The following DXO variants were observed in gnomAD, a reference collection of about 807,000 sequenced individuals.
DXO encodes the protein decapping and exoribonuclease protein.
DXO carries 42 observed loss-of-function variants against 39.8 expected under a neutral mutation model. The ratio of observed to expected loss-of-function variants is 1.06; its 90% CI spans 0.83 to 1.37. The LOEUF is 1.37. Ranked by LOEUF, DXO falls within the 40% of genes most tolerant of loss-of-function variation. The probability of loss-of-function intolerance (pLI) is 0.00; values close to 1 mark genes in which losing one functional copy is unlikely to be tolerated. For synonymous variants in DXO, 193 were observed against 200.4 expected (o/e 0.96, Z 0.31); for missense variants, 495 against 513.0 (o/e 0.96, Z 0.34).
Position 31,971,594 on chromosome 6 carries a change from AAGGTGCTGGACG to A in DXO, c.70_81del (p.Arg24_Pro27del), listed in dbSNP as rs1180496639. On this transcript the variant is annotated inframe_deletion, in exon 2 of 7. Coordinates refer to ENST00000337523, the MANE Select transcript of DXO (RefSeq NM_005510.4). This position sits in a 1 kb window ranked among gnomAD's most constrained non-coding sequence, Gnocchi z 4.5. ...TAGAGGGCAGGGTCTGTGGGCAGAGAAGGTGCTGGACGAGGTAGTTTGTTCCGAGGCTCAGCT... is the reference window on the plus strand; with the variant it reads ...TAGAGGGCAGGGTCTGTGGGCAGAGAAGGTAGTTTGTTCCGAGGCTCAGCT... 1.9e-6 allele frequency: 3 copies of A among 1,613,632 alleles called. No individual in the cohort carries two copies. Among genetic ancestry groups the A allele is most frequent in the Non-Finnish European group, 2.5e-6 (3 of 1,180,022 alleles).
rs1031924095 is a variant in DXO at position 31,972,005 on chromosome 6, G to A, written c.-83C>T. 1.2e-6 allele frequency: 2 copies of A among 1,603,964 alleles called. No individual in the cohort carries two copies. The highest frequency in any genetic ancestry group is 1.7e-6 in the Non-Finnish European group (2 of 1,172,310). On this transcript the variant is annotated 5_prime_UTR_variant, in exon 1 of 7. Transcript: ENST00000337523. This position sits in a 1 kb window ranked among gnomAD's most constrained non-coding sequence, Gnocchi z 6.3. ...ACGCCAGAGGCCGAAGGATGCAAAA[G>A]TGGTTTTCTGCTTTCGATGATGCAA...
Position 31,971,181 on chromosome 6 carries a change from C to G in DXO, c.357-34G>C. Reference sequence around the variant, plus strand: ...CAGGAGTTACAGGCTGAAGGTCTGACACAAGCATTAGTGAGATGCTCCCCT... The same window carrying G: ...CAGGAGTTACAGGCTGAAGGTCTGAGACAAGCATTAGTGAGATGCTCCCCT... On this transcript the variant is annotated intron_variant, in intron 2 of 6. Transcript: ENST00000337523. This position sits in a 1 kb window ranked among gnomAD's most constrained non-coding sequence, Gnocchi z 4.5. The G allele has an allele frequency of 6.2e-7, 1 of 1,604,132 alleles. No homozygotes were observed. The highest frequency in any genetic ancestry group is 8.5e-7 in the Non-Finnish European group (1 of 1,174,552).
In DXO at chr6:31,971,548, T is replaced by C; in HGVS notation, c.128A>G (p.Tyr43Cys). Residue 43 changes from tyrosine (Y) to cysteine (C), a missense_variant, in exon 2 of 7, where the codon TAC (tyrosine) becomes TGC (cysteine). Physicochemically the swap from Tyr to Cys is radical, Grantham distance 194 (BLOSUM62 -2). Transcript: ENST00000337523. This position sits in a 1 kb window ranked among gnomAD's most constrained non-coding sequence, Gnocchi z 4.5. Reference sequence around the variant, plus strand: ...GCAGCCCAGTTCCGAAGGGCGCCGGTAGAAAGGAAAGGGCCCAGAGTAGAG... The same window carrying C: ...GCAGCCCAGTTCCGAAGGGCGCCGGCAGAAAGGAAAGGGCCCAGAGTAGAG... ...PALYSGPFPF[Y>C]RRPSELGCFS... The C allele has an allele frequency of 6.2e-7, 1 of 1,614,048 alleles. No homozygotes were observed. The highest frequency in any genetic ancestry group is 8.5e-7 in the Non-Finnish European group (1 of 1,180,008).
rs770840590 is a variant in DXO, at chr6:31,970,173, A to G, written c.979T>C (p.Cys327Arg). 87 of 1,613,830 alleles carry G rather than the reference A, an allele frequency of 5.4e-5. No homozygotes were observed. Among genetic ancestry groups the G allele is most frequent in the Middle Eastern group, 1.6e-4 (1 of 6,084 alleles). Reference sequence around the variant, plus strand: ...AGGAAGGCGGCACAGAAGTTCATGCACACAGAGGGATTCCAGCCGTCACGG... The same window carrying G: ...AGGAAGGCGGCACAGAAGTTCATGCGCACAGAGGGATTCCAGCCGTCACGG... The part of the protein sequence containing the change: ...NDRDGWNPSV[C>R]MNFCAAFLSF... The change falls in exon 6 of 7, where the codon TGC (cysteine) becomes CGC (arginine). Residue 327 changes from cysteine to arginine, a missense_variant. Cys to Arg is a radical substitution (Grantham distance 180, BLOSUM62 -3). Transcript: ENST00000337523. This position sits in a 1 kb window ranked among gnomAD's most constrained non-coding sequence, Gnocchi z 4.0.
At position 31,970,055 on chromosome 6, in the gene DXO, G is replaced by C; in HGVS notation, c.1044-31C>G. ...GGGCAGATGGAGGCATCAGTTGAGG[G>C]CCAGAGGCTGGATCCTGGGATCCAG... On this transcript the variant is annotated intron_variant, in intron 6 of 6. Transcript: ENST00000337523. The surrounding 1 kb of genome is among the most constrained non-coding windows in gnomAD (Gnocchi z 4.0). 1 of 1,614,000 alleles carries C rather than the reference G, an allele frequency of 6.2e-7. No individual in the cohort carries two copies. Among genetic ancestry groups the C allele is most frequent in the Non-Finnish European group, 8.5e-7 (1 of 1,179,998 alleles).
rs767352315 is a variant in DXO, at chr6:31,971,433, G to T, written c.243C>A (p.Asn81Lys). Residue 81 changes from asparagine to lysine, a missense_variant, in exon 2 of 7, where the codon AAC becomes AAA. Transcript: ENST00000337523. This position sits in a 1 kb window ranked among gnomAD's most constrained non-coding sequence, Gnocchi z 4.5. ...CCGGGTATCCGTCTCTGAGGTCAAA[G>T]TTGGGGCCTGGACCGTTAGTGGGGG... The part of the protein sequence containing the change: ...SPPPTNGPGP[N>K]FDLRDGYPDR... The T allele has an allele frequency of 9.9e-6, 16 of 1,611,660 alleles. No individual in the cohort carries two copies. Among genetic ancestry groups the T allele is most frequent in the Non-Finnish European group, 1.3e-5 (15 of 1,178,112 alleles).
chr6:31,970,247 G>C lies in DXO; in HGVS notation c.949-44C>G. ...GAGGCAGAAGATGGGCAGTGGGGGT[G>C]GTGGGAGGAGAGAAGGCAGGCTGTT... On this transcript the variant is annotated intron_variant, in intron 5 of 6. Coordinates refer to ENST00000337523, the MANE Select transcript of DXO (RefSeq NM_005510.4). The surrounding 1 kb of genome is among the most constrained non-coding windows in gnomAD (Gnocchi z 4.0). The C allele has an allele frequency of 1.2e-6, 2 of 1,613,826 alleles. No homozygotes were observed. Among genetic ancestry groups the C allele is most frequent in the Non-Finnish European group, 1.7e-6 (2 of 1,179,902 alleles).
Position 31,970,504 on chromosome 6 carries a change from G to A in DXO, c.813-26C>T, listed in dbSNP as rs761959154. 6.2e-7 allele frequency: 1 copy of A among 1,613,836 alleles called. No individual in the cohort carries two copies. Among genetic ancestry groups the A allele is most frequent in the East Asian group, 2.2e-5 (1 of 44,900 alleles). Reference sequence around the variant, plus strand: ...CTGACAGGAAAAGCAAGGGATCAGTGGGACCCCTCGTGCACCCTCCATTCT... The same window carrying A: ...CTGACAGGAAAAGCAAGGGATCAGTAGGACCCCTCGTGCACCCTCCATTCT... On this transcript the variant is annotated intron_variant, in intron 4 of 6. Transcript: ENST00000337523. The surrounding 1 kb of genome is among the most constrained non-coding windows in gnomAD (Gnocchi z 4.0).
At position 31,971,605 on chromosome 6, in the gene DXO, C is replaced by G; in HGVS notation, c.71G>C (p.Arg24Pro). Reference sequence around the variant, plus strand: ...GTCTGTGGGCAGAGAAGGTGCTGGACGAGGTAGTTTGTTCCGAGGCTCAGC... The same window carrying G: ...GTCTGTGGGCAGAGAAGGTGCTGGAGGAGGTAGTTTGTTCCGAGGCTCAGC... Reference protein sequence around the residue: ...EVAEPRNKLPRPAPSLPTDPA... With the variant: ...EVAEPRNKLPPPAPSLPTDPA... The change falls in exon 2 of 7, where the codon CGT becomes CCT. Residue 24 changes from arginine (R) to proline (P), a missense_variant. Physicochemically the swap from Arg to Pro is moderately radical, Grantham distance 103 (BLOSUM62 -2). Transcript: ENST00000337523. The surrounding 1 kb of genome is among the most constrained non-coding windows in gnomAD (Gnocchi z 4.5). The G allele has an allele frequency of 6.2e-7, 1 of 1,613,420 alleles. No homozygotes were observed. The highest frequency in any genetic ancestry group is 8.5e-7 in the Non-Finnish European group (1 of 1,180,006).
chr6:31,970,851 G>C lies in DXO; in HGVS notation c.593-26C>G, dbSNP rs764008054. ...CTGCACAAGGAGAGAAGCAGCAGCA[G>C]GCGTGGGGGGCTCTCAACCTCTGGG... On this transcript the variant is annotated intron_variant, in intron 3 of 6. Transcript: ENST00000337523. This position sits in a 1 kb window ranked among gnomAD's most constrained non-coding sequence, Gnocchi z 4.0. 6.2e-7 allele frequency: 1 copy of C among 1,612,218 alleles called. No homozygotes were observed. The highest frequency in any genetic ancestry group is 8.5e-7 in the Non-Finnish European group (1 of 1,179,408).
chr6:31,972,110 G>A lies in DXO; in HGVS notation c.-188C>T, dbSNP rs756724538. On this transcript the variant is annotated 5_prime_UTR_variant, in exon 1 of 7. Coordinates refer to ENST00000337523, the MANE Select transcript of DXO (RefSeq NM_005510.4). This position sits in a 1 kb window ranked among gnomAD's most constrained non-coding sequence, Gnocchi z 6.3. ...TCACGAAGGAGGTTGACACCAACGT[G>A]GCCACCGGCGCCCCTCCACGCCGCC... 1 of 1,612,962 alleles carries A rather than the reference G, an allele frequency of 6.2e-7. No individual in the cohort carries two copies. The highest frequency in any genetic ancestry group is 8.5e-7 in the Non-Finnish European group (1 of 1,179,912).
rs367889283 is a variant in DXO, at chr6:31,970,517, C to G, written c.813-39G>C. ...CAAGGGATCAGTGGGACCCCTCGTG[C>G]ACCCTCCATTCTGCCTTCACCCTCC... is the stretch of plus-strand genomic sequence containing the variant. On this transcript the variant is annotated intron_variant, in intron 4 of 6. Transcript: ENST00000337523. This position sits in a 1 kb window ranked among gnomAD's most constrained non-coding sequence, Gnocchi z 4.0. The G allele has an allele frequency of 2.5e-6, 4 of 1,613,820 alleles. No individual in the cohort carries two copies. The highest frequency in any genetic ancestry group is 3.4e-6 in the Non-Finnish European group (4 of 1,179,906).
rs1343878688 is a variant in DXO at position 31,970,889 on chromosome 6, G to C, written c.592+23C>G. ...CTCAACCTCTGGGAAGGGGAAGGGGGCTATGAAGCAGGGGCAACTCACCTG... is the reference window on the plus strand; with the variant it reads ...CTCAACCTCTGGGAAGGGGAAGGGGCCTATGAAGCAGGGGCAACTCACCTG... On this transcript the variant is annotated intron_variant, in intron 3 of 6. Transcript: ENST00000337523. This position sits in a 1 kb window ranked among gnomAD's most constrained non-coding sequence, Gnocchi z 4.0. 1 of 1,610,602 alleles carries C rather than the reference G, an allele frequency of 6.2e-7. No homozygotes were observed. The highest frequency in any genetic ancestry group is 1.7e-5 in the Admixed American group (1 of 59,958).
In DXO at chr6:31,970,538, C is replaced by A; in HGVS notation, c.813-60G>T. The A allele has an allele frequency of 1.9e-6, 3 of 1,613,270 alleles. No individual in the cohort carries two copies. Among genetic ancestry groups the A allele is most frequent in the East Asian group, 4.5e-5 (2 of 44,864 alleles). Reference sequence around the variant, plus strand: ...CGTGCACCCTCCATTCTGCCTTCACCCTCCTCCCCAAGTCCCTTTCCCAGC... The same window carrying A: ...CGTGCACCCTCCATTCTGCCTTCACACTCCTCCCCAAGTCCCTTTCCCAGC... On this transcript the variant is annotated intron_variant, in intron 4 of 6. Transcript: ENST00000337523. This position sits in a 1 kb window ranked among gnomAD's most constrained non-coding sequence, Gnocchi z 4.0.
At position 31,971,712 on chromosome 6, in the gene DXO, T is replaced by A. The variant is rs753714393; in HGVS notation, c.-6-31A>T. The A allele has an allele frequency of 6.4e-7, 1 of 1,563,632 alleles. No individual in the cohort carries two copies. Among genetic ancestry groups the A allele is most frequent in the South Asian group, 1.1e-5 (1 of 87,014 alleles). On this transcript the variant is annotated intron_variant, in intron 1 of 6. Transcript: ENST00000337523. This position sits in a 1 kb window ranked among gnomAD's most constrained non-coding sequence, Gnocchi z 4.5. ...ACAAGCAGGGGTACAGAGTTTCCAT[T>A]CTACAGAGGAGGCCTGGAGAAGGAT... is the stretch of plus-strand genomic sequence containing the variant.
chr6:31,970,793 C>T lies in DXO; in HGVS notation c.625G>A (p.Glu209Lys). Residue 209 changes from glutamate (E) to lysine (K), a missense_variant, in exon 4 of 7, where the codon GAG (glutamate) becomes AAG (lysine). Glu to Lys is a moderately conservative substitution (Grantham distance 56). Transcript: ENST00000337523. The surrounding 1 kb of genome is among the most constrained non-coding windows in gnomAD (Gnocchi z 4.0). ...KPGSSPDPSG[E>K]VNTNVAFCSV... Reference sequence around the variant, plus strand: ...CAGAAGGCCACGTTGGTGTTAACCTCCCCAGAGGGGTCTGGGGAGCTTCCA... The same window carrying T: ...CAGAAGGCCACGTTGGTGTTAACCTTCCCAGAGGGGTCTGGGGAGCTTCCA... 1 of 1,612,820 alleles carries T rather than the reference C, an allele frequency of 6.2e-7. No homozygotes were observed. Among genetic ancestry groups the T allele is most frequent in the Non-Finnish European group, 8.5e-7 (1 of 1,179,940 alleles).
Position 31,971,114 on chromosome 6 carries a change from C to G in DXO, c.390G>C (p.Thr130=). Reference sequence around the variant, plus strand: ...GCAGTTTTGTCAGGTGCCCCCGCCACGTCACTATGGCCTCTGCCAGCCAGC... The same window carrying G: ...GCAGTTTTGTCAGGTGCCCCCGCCAGGTCACTATGGCCTCTGCCAGCCAGC... ...GPGWLAEAIV[T]WRGHLTKLLT... is the part of the protein sequence containing the mutation. The change falls in exon 3 of 7, where the codon ACG becomes ACC. Residue 130 remains threonine (T), a synonymous_variant. Coordinates refer to ENST00000337523, the MANE Select transcript of DXO (RefSeq NM_005510.4). This position sits in a 1 kb window ranked among gnomAD's most constrained non-coding sequence, Gnocchi z 4.5. 1.2e-6 allele frequency: 2 copies of G among 1,612,878 alleles called. No homozygotes were observed. The highest frequency in any genetic ancestry group is 1.7e-6 in the Non-Finnish European group (2 of 1,180,002).
rs371065709 is a variant in DXO, at chr6:31,970,389, G to A, written c.902C>T (p.Ser301Phe). The A allele has an allele frequency of 3.1e-6, 5 of 1,614,030 alleles. No individual in the cohort carries two copies. The highest frequency in any genetic ancestry group is 4.2e-6 in the Non-Finnish European group (5 of 1,180,030). The change falls in exon 5 of 7, where the codon TCT becomes TTT. Residue 301 changes from serine (S) to phenylalanine (F), a missense_variant. Ser to Phe is a radical substitution (Grantham distance 155, BLOSUM62 -2). Coordinates refer to ENST00000337523, the MANE Select transcript of DXO (RefSeq NM_005510.4). This position sits in a 1 kb window ranked among gnomAD's most constrained non-coding sequence, Gnocchi z 4.0. ...AGFRNPDGFV[S>F]SLKTFPTMKM... ...CATGGTAGGAAAGGTCTTGAGGGAA[G>A]AGACAAAACCGTCTGGGTTACGGAA... is the stretch of plus-strand genomic sequence containing the variant.
rs1434581189 is a variant in DXO, at chr6:31,970,882, G to A, written c.592+30C>T. 3 of 1,611,094 alleles carry A rather than the reference G, an allele frequency of 1.9e-6. No homozygotes were observed. Among genetic ancestry groups the A allele is most frequent in the Non-Finnish European group, 1.7e-6 (2 of 1,178,586 alleles). On this transcript the variant is annotated intron_variant, in intron 3 of 6. Transcript: ENST00000337523. The surrounding 1 kb of genome is among the most constrained non-coding windows in gnomAD (Gnocchi z 4.0). ...GGGGGCTCTCAACCTCTGGGAAGGG[G>A]AAGGGGGCTATGAAGCAGGGGCAAC...
Sources: allele counts gnomAD v4.1 joint callset, GRCh38; gene constraint gnomAD v4.1.1; non-coding constraint Gnocchi (gnomAD v3.1); transcripts MANE v1.5; gene names NCBI Gene and HGNC (gene_info 2026-07-23, HGNC 2026-07-21).